Variants in ANKRD13C observed in about 807,000 individuals in gnomAD.
ANKRD13C encodes ankyrin repeat domain-containing protein 13C.
ANKRD13C carries 16 observed loss-of-function variants against 65.5 expected under a neutral mutation model. The ratio of observed to expected loss-of-function variants is 0.24; its 90% CI spans 0.17 to 0.37. ANKRD13C has a LOEUF of 0.37. Among genes scored for constraint, ANKRD13C ranks in the 10% least tolerant of loss-of-function variants. The pLI is 1.00. For synonymous variants in ANKRD13C, 235 were observed against 238.7 expected (o/e 0.98, Z 0.14); for missense variants, 503 against 655.9 (o/e 0.77, Z 2.55).
At chr1:70,280,064 ATC>A (rs1679321072) in intron 9 of ANKRD13C, among the ~76,000 whole-genome samples, 1 of 152,192 alleles carries the variant, frequency 6.6e-6, no homozygotes, top group Non-Finnish European at 1.5e-5. Flanking sequence ...GTCATTGATG[ATC>A]TCTGAGTAGC....
Position 70,259,468 on chromosome 1 carries a change from A to T in ANKRD13C, c.*3249T>A, listed in dbSNP as rs1325154460. 6.6e-6 allele frequency among the ~76,000 whole-genome samples: 1 copy of T among 152,210 alleles called. No homozygotes were observed. The highest frequency in any genetic ancestry group is 1.9e-4 in the East Asian group (1 of 5,200). ...TCTTCTAAAATGAACTGTAACAATT[A>T]AAAAGCTCATCACAAGGTAAGCTCA... On this transcript the variant is annotated 3_prime_UTR_variant, in exon 13 of 13. Transcript: ENST00000370944.
chr1:70,297,751 TA>T (rs1199037012), intron 7 of ANKRD13C, among the ~76,000 whole-genome samples: 155 of 139,796 alleles, frequency 1.1e-3, no homozygotes, highest in Non-Finnish European at 1.2e-3. Flanking sequence ...CCGTCTCTAC[TA>T]AAAAAAAAAA....
intron 1 of ANKRD13C, among the ~76,000 whole-genome samples, chr1:70,353,360 C>G (rs904974143): frequency 2.7e-4 from 41 of 152,182 alleles, no homozygotes; most frequent in African/African-American, 9.9e-4. Context: ...TTAAAACAAG[C>G]AAAAAATCAA....
At chr1:70,328,007 G>A (rs1424754094) in intron 2 of ANKRD13C, among the ~76,000 whole-genome samples, 1 of 152,086 alleles carries the variant, frequency 6.6e-6, no homozygotes, top group African/African-American at 2.4e-5. Flanking sequence ...GGAGGTTGCA[G>A]TGAGCCGAGA....
At chr1:70,315,614 G>A in intron 3 of ANKRD13C, 48 bp from the exon 4 acceptor site, 1 of 1,442,742 alleles carries the variant, frequency 6.9e-7, no homozygotes, top group South Asian at 1.2e-5. Context: ...TCATCATGCA[G>A]TAAAAACACC....
intron 1 of ANKRD13C, among the ~76,000 whole-genome samples, chr1:70,353,014 T>C (rs1682814697): frequency 1.3e-5 from 2 of 152,244 alleles, no homozygotes; most frequent in South Asian, 4.1e-4. Context: ...TTGATACGTA[T>C]ATCATTTTGA....
chr1:70,266,023 A>G (rs1375298684), intron 12 of ANKRD13C, among the ~76,000 whole-genome samples: 1 of 151,966 alleles, frequency 6.6e-6, no homozygotes, highest in East Asian at 1.9e-4. Flanking sequence ...CAAATAATAC[A>G]ACATAAAAAT....
intron 1 of ANKRD13C, among the ~76,000 whole-genome samples, chr1:70,340,454 G>C (rs1282551421): frequency 1.3e-5 from 2 of 152,110 alleles, no homozygotes; most frequent in Non-Finnish European, 2.9e-5. Context: ...TTATGGTTGA[G>C]TCTGACCAAT....
intron 12 of ANKRD13C, among the ~76,000 whole-genome samples, chr1:70,263,333 G>A (rs1678468804): frequency 6.6e-6 from 1 of 151,998 alleles, no homozygotes; most frequent in Non-Finnish European, 1.5e-5. Context: ...AAATGTGTGG[G>A]ATAAAAACAG....
intron 2 of ANKRD13C, among the ~76,000 whole-genome samples, chr1:70,331,043 T>A (rs1345337594): frequency 2.0e-5 from 3 of 152,168 alleles, no homozygotes; most frequent in Non-Finnish European, 4.4e-5. Context: ...TAGGTTAAGA[T>A]GAGTGAGAGA....
At chr1:70,283,545 G>A (rs1374705034) in intron 9 of ANKRD13C, among the ~76,000 whole-genome samples, 2 of 151,840 alleles carry the variant, frequency 1.3e-5, no homozygotes, top group African/African-American at 2.4e-5. Flanking sequence ...TGCCGGGTGC[G>A]GTGGCTCACA....
intron 5 of ANKRD13C, 56 bp downstream of exon 5, chr1:70,313,689 G>T: frequency 7.7e-7 from 1 of 1,298,270 alleles, no homozygotes; most frequent in South Asian, 1.3e-5. Context: ...AGGTATTTTT[G>T]TACTTGCATT....
At chr1:70,270,506 TG>T (rs1266473484) in intron 12 of ANKRD13C, among the ~76,000 whole-genome samples, 2 of 152,204 alleles carry the variant, frequency 1.3e-5, no homozygotes, top group African/African-American at 4.8e-5. Context: ...TTCCACAGAC[TG>T]GTGGGGACTG....
At chr1:70,295,423 T>C (rs1241957668) in intron 8 of ANKRD13C, among the ~76,000 whole-genome samples, 1 of 151,960 alleles carries the variant, frequency 6.6e-6, no homozygotes, top group African/African-American at 2.4e-5. Context: ...AATTTTTGTA[T>C]TTTTAGTAGA....
intron 1 of ANKRD13C, among the ~76,000 whole-genome samples, chr1:70,342,739 A>AACACACACAC (rs373447795): frequency 2.4e-4 from 28 of 115,364 alleles, no homozygotes; most frequent in South Asian, 7.8e-4. Context: ...CACACACAAT[A>AACACACACAC]ACACACACAC....
chr1:70,271,662 C>A (rs1678887934), intron 11 of ANKRD13C, among the ~76,000 whole-genome samples: 1 of 152,154 alleles, frequency 6.6e-6, no homozygotes, highest in Non-Finnish European at 1.5e-5. Flanking sequence ...TATCCCTTTT[C>A]TGCCCGGATG....
At position 70,354,670 on chromosome 1, in the gene ANKRD13C, C is replaced by A. The variant is rs1427933948; in HGVS notation, c.-262G>T. ...AGGATCTCAGTCTCGCCGTCGCAGC[C>A]GCCGTCGCTGCCTTACACCGAAAAA... On this transcript the variant is annotated 5_prime_UTR_variant, in exon 1 of 13. Coordinates refer to ENST00000370944, the MANE Select transcript of ANKRD13C (RefSeq NM_030816.5). The A allele has an allele frequency of 1.5e-5, 13 of 853,658 alleles. No homozygotes were observed. Among genetic ancestry groups the A allele is most frequent in the African/African-American group, 3.4e-5 (2 of 58,606 alleles). The allele number at this position is 853,658 out of a possible 1,614,324, so 52.9% of individuals were successfully genotyped here.
chr1:70,325,051 A>G, intron 2 of ANKRD13C, 94 bp from the exon 3 acceptor site: 2 of 795,286 alleles, frequency 2.5e-6, no homozygotes, highest in Non-Finnish European at 1.9e-6. Flanking sequence ...AAATTAACAT[A>G]AATAGATGAA....
intron 12 of ANKRD13C, among the ~76,000 whole-genome samples, chr1:70,265,916 AAG>A (rs1469663581): frequency 1.3e-5 from 2 of 150,014 alleles, no homozygotes; most frequent in African/African-American, 2.5e-5. Context: ...GACGGAAGGA[AAG>A]AGAGAGGGAG....
Sources: gnomAD v4.1 joint callset for allele counts (sites outside exome capture counted in the v4.1 genomes callset) on GRCh38, gnomAD v4.1.1 for gene constraint, MANE v1.5 for transcripts, NCBI Gene and HGNC (gene_info 2026-07-23, HGNC 2026-07-21) for gene names.